YWHAE: variants seen among roughly 807,000 people sequenced by gnomAD.
The protein encoded by YWHAE is tyrosine 3-monooxygenase/tryptophan 5-monooxygenase activation protein epsilon, also known as 14-3-3 protein epsilon.
Under a neutral mutation model 30.1 loss-of-function variants are expected in YWHAE, and 4 were observed. The ratio of observed to expected loss-of-function variants is 0.13; its 90% CI spans 0.07 to 0.30. The LOEUF is 0.30. Ranked by LOEUF, YWHAE falls within the 10% of genes least tolerant of loss-of-function variation. The pLI is 1.00. For synonymous variants in YWHAE, 118 were observed against 111.8 expected (o/e 1.06, Z -0.35); for missense variants, 121 against 315.9 (o/e 0.38, Z 4.68).
chr17:1,395,683 C>CTTA (rs2073459202), intron 1 of YWHAE, among the ~76,000 whole-genome samples: 1 of 152,322 alleles, frequency 6.6e-6, no homozygotes, highest in East Asian at 1.9e-4. Context: ...TACTTCTAAA[C>CTTA]TTATTAACAA....
At chr17:1,347,837 T>C in intron 5 of YWHAE, 1 of 459,368 alleles carries the variant, frequency 2.2e-6, no homozygotes. Flanking sequence ...CGGAAAAGGC[T>C]TAGGTCAGCG....
intron 5 of YWHAE, chr17:1,352,100 C>G (rs1250075031): frequency 6.6e-6 from 1 of 152,002 alleles, no homozygotes; most frequent in Non-Finnish European, 1.5e-5. Flanking sequence ...GATTTTCCAG[C>G]TGGAAGCCAC....
At chr17:1,363,974 AC>A (rs1176440270) in intron 2 of YWHAE, among the ~76,000 whole-genome samples, 1 of 152,116 alleles carries the variant, frequency 6.6e-6, no homozygotes, top group Non-Finnish European at 1.5e-5. Flanking sequence ...TGCTAGGAAC[AC>A]CCTCCAGAAG....
rs2072921626 is a variant in YWHAE at position 1,365,062 on chromosome 17, T to C, written c.65-4A>G. 6.2e-7 allele frequency: 1 copy of C among 1,613,234 alleles called. No homozygotes were observed. Among genetic ancestry groups the C allele is most frequent in the Non-Finnish European group, 8.5e-7 (1 of 1,179,868 alleles). On this transcript the variant is annotated splice_region_variant and splice_polypyrimidine_tract_variant and intron_variant, in intron 1 of 5. Coordinates refer to ENST00000264335, the MANE Select transcript of YWHAE (RefSeq NM_006761.5). ...TTCTTCATTGACTCCACCATTTCTG[T>C]ATGGGAAAAGGAAAAGTCAGACCTT...
intron 1 of YWHAE, among the ~76,000 whole-genome samples, chr17:1,392,717 G>C (rs1257891387): frequency 1.3e-5 from 2 of 151,884 alleles, no homozygotes; most frequent in African/African-American, 4.8e-5. Flanking sequence ...AAGCATGATG[G>C]CCCAAGTCTG....
intron 1 of YWHAE, among the ~76,000 whole-genome samples, chr17:1,378,920 A>T (rs1424705641): frequency 6.6e-6 from 1 of 151,918 alleles, no homozygotes; most frequent in Admixed American, 6.6e-5. Context: ...ATTGCATTCC[A>T]GCCTGGCGAC....
chr17:1,380,931 T>C (rs1040624054), intron 1 of YWHAE, among the ~76,000 whole-genome samples: 1 of 152,192 alleles, frequency 6.6e-6, no homozygotes, highest in Admixed American at 6.5e-5. Context: ...TTCTCTACAA[T>C]TCCTGTATTA....
intron 1 of YWHAE, among the ~76,000 whole-genome samples, chr17:1,396,000 C>T (rs1184447122): frequency 2.0e-5 from 3 of 152,010 alleles, no homozygotes; most frequent in Non-Finnish European, 4.4e-5. Context: ...TGCCTGTAAT[C>T]CCAGCTACTC....
intron 1 of YWHAE, among the ~76,000 whole-genome samples, chr17:1,391,000 T>C (rs1670785805): frequency 6.6e-6 from 1 of 152,208 alleles, no homozygotes; most frequent in Non-Finnish European, 1.5e-5. Flanking sequence ...TGAAAGACAC[T>C]TGTAAAAATA....
intron 1 of YWHAE, among the ~76,000 whole-genome samples, chr17:1,378,135 T>G (rs1213911641): frequency 6.6e-6 from 1 of 152,242 alleles, no homozygotes; most frequent in Non-Finnish European, 1.5e-5. Flanking sequence ...TGCTACTTAC[T>G]AAGAAATTTA....
chr17:1,375,381 T>C (rs2073106855), intron 1 of YWHAE, among the ~76,000 whole-genome samples: 1 of 152,160 alleles, frequency 6.6e-6, no homozygotes, highest in Admixed American at 6.6e-5. Flanking sequence ...TCAACACAAC[T>C]AGCATTTCCT....
intron 1 of YWHAE, among the ~76,000 whole-genome samples, chr17:1,383,522 G>A (rs1335716869): frequency 6.6e-6 from 1 of 150,708 alleles, no homozygotes; most frequent in Non-Finnish European, 1.5e-5. Flanking sequence ...ACCAGAAGAT[G>A]GGATTACAGG....
chr17:1,389,625 G>C (rs1391927255), intron 1 of YWHAE, among the ~76,000 whole-genome samples: 1 of 151,318 alleles, frequency 6.6e-6, no homozygotes, highest in East Asian at 1.9e-4. Flanking sequence ...CCGCCTCCCG[G>C]GTTCATGCCA....
Position 1,359,763 on chromosome 17 carries a change from A to C in YWHAE, c.578+1329T>G, listed in dbSNP as rs1181520358. ...TGTGGGGTGAAGAGAAAGTTTTCAA[A>C]TAGTGGTGATTACACAACACTGTCA... On this transcript the variant is annotated intron_variant, in intron 4 of 5. Coordinates refer to ENST00000264335, the MANE Select transcript of YWHAE (RefSeq NM_006761.5). 8.6e-5 allele frequency among the ~76,000 whole-genome samples: 13 copies of C among 151,194 alleles called. No individual in the cohort carries two copies. In the Admixed American group the frequency reaches 8.6e-4, roughly 10 times the overall value.
intron 1 of YWHAE, among the ~76,000 whole-genome samples, chr17:1,370,119 CTTTTTTTT>C (rs538497835): frequency 5.1e-4 from 39 of 76,346 alleles, no homozygotes; most frequent in Admixed American, 2.1e-3. Flanking sequence ...CACAGAAAAA[CTTTTTTTT>C]TTTTTTTTTT....
At chr17:1,351,864 T>G (rs1170451067) in intron 5 of YWHAE, among the ~76,000 whole-genome samples, 1 of 152,030 alleles carries the variant, frequency 6.6e-6, no homozygotes. Context: ...CTCAGCTCAC[T>G]GCAACCTCCA....
chr17:1,399,929 C>T (rs1051903118), intron 1 of YWHAE, 118 bp downstream of exon 1: 2 of 1,305,010 alleles, frequency 1.5e-6, no homozygotes, highest in Non-Finnish European at 1.1e-6. Context: ...GCTTCCCGAA[C>T]CCAAGCCCCC....
chr17:1,394,998 A>C (rs1180287002), intron 1 of YWHAE, among the ~76,000 whole-genome samples: 6 of 151,792 alleles, frequency 4.0e-5, no homozygotes, highest in Non-Finnish European at 2.9e-5. Context: ...TGCAGCCTTT[A>C]CTCCATGCTT....
chr17:1,388,942 T>C (rs2073349120), intron 1 of YWHAE, among the ~76,000 whole-genome samples: 1 of 152,142 alleles, frequency 6.6e-6, no homozygotes, highest in Non-Finnish European at 1.5e-5. Context: ...TACAATCAAA[T>C]ACAAGTCATT....
Sources: allele counts gnomAD v4.1 joint callset (sites outside exome capture counted in the v4.1 genomes callset), GRCh38; gene constraint gnomAD v4.1.1; transcripts MANE v1.5; gene names NCBI Gene and HGNC (gene_info 2026-07-23, HGNC 2026-07-21).